The following MINAR1 variants were observed in gnomAD, a reference collection of about 807,000 sequenced individuals.
The protein encoded by MINAR1 is membrane integral NOTCH2 associated receptor 1.
MINAR1 carries 40 observed loss-of-function variants against 65.1 expected under a neutral mutation model. That is an observed-to-expected ratio of 0.61 (90% confidence interval 0.48 to 0.80). MINAR1 has a LOEUF of 0.80. MINAR1 is among the 30% of genes least tolerant of loss of function. The probability of loss-of-function intolerance (pLI) is 0.00; values close to 1 mark genes in which losing one functional copy is unlikely to be tolerated. For synonymous variants in MINAR1, 482 were observed against 449.1 expected, an observed-to-expected ratio of 1.07 and a Z score of -0.93; for missense variants, 1,128 against 1,148.0, an observed-to-expected ratio of 0.98 and a Z score of 0.25.
At position 79,457,434 on chromosome 15, in the gene MINAR1, G is replaced by T. The variant is rs371812078; in HGVS notation, c.1287G>T (p.Ala429=). Residue 429 remains alanine (A), a synonymous_variant, in exon 2 of 4, where the codon GCG becomes GCT. Transcript: ENST00000305428. The part of the protein sequence containing the change: ...DQQPILPIAY[A]AKQNGLKSKE... ...AGCCAATTCTCCCCATTGCTTATGC[G>T]GCAAAACAAAATGGGCTCAAATCTA... 6.2e-7 allele frequency: 1 copy of T among 1,614,028 alleles called. No homozygotes were observed. The highest frequency in any genetic ancestry group is 8.5e-7 in the Non-Finnish European group (1 of 1,180,052).
intron 1 of MINAR1, among the ~76,000 whole-genome samples, chr15:79,452,625 AGTCTGTGT>A (rs1895256189): frequency 8.9e-6 from 1 of 112,240 alleles, no homozygotes; most frequent in African/African-American, 3.9e-5. Flanking sequence ...TGTCTGGATG[AGTCTGTGT>A]GTGTGTGGGT....
chr15:79,448,785 T>C (rs892722731), intron 1 of MINAR1, among the ~76,000 whole-genome samples: 95 of 152,330 alleles, frequency 6.2e-4, no homozygotes, highest in East Asian at 1.2e-3. Flanking sequence ...GAAGATTAGA[T>C]TTCTAATGGA....
chr15:79,449,122 T>C (rs886915558), intron 1 of MINAR1, among the ~76,000 whole-genome samples: 4 of 152,340 alleles, frequency 2.6e-5, no homozygotes, highest in African/African-American at 9.6e-5. Context: ...TGGAAATACC[T>C]ATGGGTTAGG....
Position 79,452,741 on chromosome 15 carries a change from T to TG in MINAR1, c.-50-3349dup, listed in dbSNP as rs398119013. Among the ~76,000 whole-genome samples, 673 of 89,866 alleles carry TG rather than the reference T, an allele frequency of 7.5e-3. 48 individuals are homozygous for TG. In the East Asian group the frequency reaches 0.16, roughly 22 times the overall value. 59.0% of individuals were successfully genotyped at this position (89,866 alleles called of 152,430 possible). On this transcript the variant is annotated intron_variant, in intron 1 of 3. Coordinates refer to ENST00000305428, the MANE Select transcript of MINAR1 (RefSeq NM_015206.3). ...GTGTGGGTGAGTCTGTGTGGGTGTG[T>TG]GGGGGGGGTGTGTGGGTGAGTGAAG... is the stretch of plus-strand genomic sequence containing the variant.
chr15:79,443,092 C>A (rs1159457509), intron 1 of MINAR1, among the ~76,000 whole-genome samples: 2 of 152,104 alleles, frequency 1.3e-5, no homozygotes, highest in African/African-American at 4.8e-5. Flanking sequence ...CCTGTACTCA[C>A]AGGAGGGCAG....
At position 79,456,874 on chromosome 15, in the gene MINAR1, T is replaced by G. The variant is rs1895439797; in HGVS notation, c.727T>G (p.Ser243Ala). Residue 243 changes from serine (S) to alanine (A), a missense_variant, in exon 2 of 4, where the codon TCC becomes GCC. Physicochemically the swap from Ser to Ala is moderately conservative, Grantham distance 99. Transcript: ENST00000305428. ...INQSIKETFI[S>A]NEEPFVVQSC... is the part of the protein sequence containing the mutation. ...TCAGAGCATCAAGGAGACCTTCATTTCCAATGAGGAGCCATTTGTGGTCCA... is the reference window on the plus strand; with the variant it reads ...TCAGAGCATCAAGGAGACCTTCATTGCCAATGAGGAGCCATTTGTGGTCCA... 6.2e-7 allele frequency: 1 copy of G among 1,614,072 alleles called. No homozygotes were observed. Among genetic ancestry groups the G allele is most frequent in the African/African-American group, 1.3e-5 (1 of 75,006 alleles).
rs996167676 is a variant in MINAR1, at chr15:79,468,424, TGTC to T, written c.*47_*49del. On this transcript the variant is annotated 3_prime_UTR_variant, in exon 4 of 4. Coordinates refer to ENST00000305428, the MANE Select transcript of MINAR1 (RefSeq NM_015206.3). Reference sequence around the variant, plus strand: ...CTTACGTACAGCTTATGACTACCAATGTCGTCGTCTGTATCTTAGAATCTTGCA... The same window carrying T: ...CTTACGTACAGCTTATGACTACCAATGTCGTCTGTATCTTAGAATCTTGCA... 2 of 1,556,820 alleles carry T rather than the reference TGTC, an allele frequency of 1.3e-6. No homozygotes were observed. The highest frequency in any genetic ancestry group is 2.3e-5 in the East Asian group (1 of 44,218).
At chr15:79,423,159 C>T in the MINAR1 span, 4 of 152,128 alleles carry the variant, frequency 2.6e-5, no homozygotes, top group African/African-American at 9.7e-5. Context: ...AAGATAACTG[C>T]ATGTGACTCT....
chr15:79,454,296 T>A (rs1895339359), intron 1 of MINAR1, among the ~76,000 whole-genome samples: 1 of 152,178 alleles, frequency 6.6e-6, no homozygotes, highest in Admixed American at 6.5e-5. Flanking sequence ...ACCAGGCTAA[T>A]GTTTATAGAA....
At chr15:79,452,748 G>GT (rs1895274687) in intron 1 of MINAR1, among the ~76,000 whole-genome samples, 1 of 130,608 alleles carries the variant, frequency 7.7e-6, no homozygotes, top group Non-Finnish European at 1.7e-5. Flanking sequence ...GTGTGGGGGG[G>GT]GTGTGTGGGT....
In MINAR1 at chr15:79,457,065, G is replaced by T. The variant is rs778950380; in HGVS notation, c.918G>T (p.Met306Ile). ...CCTTCTTCAACCACAGCTTTGAAAT[G>T]CCCTATAACAGCCAGTACCTGAATC... Reference protein sequence around the residue: ...KPPFFNHSFEMPYNSQYLNPV... With the variant: ...KPPFFNHSFEIPYNSQYLNPV... The change falls in exon 2 of 4, where the codon ATG becomes ATT. Residue 306 changes from methionine to isoleucine, a missense_variant. Physicochemically the swap from Met to Ile is conservative, Grantham distance 10. Coordinates refer to ENST00000305428, the MANE Select transcript of MINAR1 (RefSeq NM_015206.3). 1 of 1,614,152 alleles carries T rather than the reference G, an allele frequency of 6.2e-7. No individual in the cohort carries two copies.
At chr15:79,436,824 C>G (rs1356859386) in intron 1 of MINAR1, among the ~76,000 whole-genome samples, 1 of 152,252 alleles carries the variant, frequency 6.6e-6, no homozygotes, top group Non-Finnish European at 1.5e-5. Flanking sequence ...CAGTTTTCTA[C>G]TGACGTGGCC....
In MINAR1 at chr15:79,458,231, G is replaced by T. The variant is rs972825369; in HGVS notation, c.2084G>T (p.Arg695Leu). The T allele has an allele frequency of 6.2e-7, 1 of 1,614,014 alleles. No individual in the cohort carries two copies. The highest frequency in any genetic ancestry group is 1.3e-5 in the African/African-American group (1 of 74,990). Residue 695 changes from arginine (R) to leucine (L), a missense_variant, in exon 2 of 4, where the codon CGG becomes CTG. Coordinates refer to ENST00000305428, the MANE Select transcript of MINAR1 (RefSeq NM_015206.3). ...DASGSNSESL[R>L]VKALKKSLFT... Reference sequence around the variant, plus strand: ...AGCGGGAGCAACAGTGAAAGCCTGCGGGTCAAGGCCTTAAAAAAAAGCCTC... The same window carrying T: ...AGCGGGAGCAACAGTGAAAGCCTGCTGGTCAAGGCCTTAAAAAAAAGCCTC...
chr15:79,468,629 A>C lies in MINAR1; in HGVS notation c.*245A>C. 1.9e-6 allele frequency: 1 copy of C among 513,898 alleles called. No individual in the cohort carries two copies. The allele number at this position is 513,898 out of a possible 1,614,324, so 31.8% of individuals were successfully genotyped here. A position where few individuals can be genotyped will look rare whatever the true frequency, so the allele number is the denominator to read the frequency against. Reference sequence around the variant, plus strand: ...GAAGTGCAATATCTTTTCCTACCAAAAGAACATCATGGACTATCAATAAAT... The same window carrying C: ...GAAGTGCAATATCTTTTCCTACCAACAGAACATCATGGACTATCAATAAAT... On this transcript the variant is annotated 3_prime_UTR_variant, in exon 4 of 4. Coordinates refer to ENST00000305428, the MANE Select transcript of MINAR1 (RefSeq NM_015206.3).
intron 1 of MINAR1, among the ~76,000 whole-genome samples, chr15:79,452,622 ATGAGTCTGTGTGTGTGTGGGTG>A (rs1398791932): frequency 2.5e-5 from 2 of 80,304 alleles, no homozygotes; most frequent in Non-Finnish European, 2.6e-5. Flanking sequence ...GGGTGTCTGG[ATGAGTCTGTGTGTGTGTGGGTG>A]TGTGTCTGGG....
chr15:79,429,857 G>A (rs796601301), upstream of MINAR1, among the ~76,000 whole-genome samples: 35 of 152,372 alleles, frequency 2.3e-4, no homozygotes, highest in African/African-American at 8.4e-4. Context: ...TGTGCAACGG[G>A]AGAGGGAGTC....
chr15:79,467,327 G>T (rs758027130), intron 3 of MINAR1, among the ~76,000 whole-genome samples: 1 of 152,200 alleles, frequency 6.6e-6, no homozygotes, highest in Non-Finnish European at 1.5e-5. Flanking sequence ...ACCTCACTTC[G>T]AATTGCAATG....
At chr15:79,422,227 C>T in the MINAR1 span, 1 of 152,116 alleles carries the variant, frequency 6.6e-6, no homozygotes, top group Non-Finnish European at 1.5e-5. Context: ...CAGGAGGCAC[C>T]ACTGTAAAAC....
chr15:79,434,437 A>T (rs1319765567), intron 1 of MINAR1, among the ~76,000 whole-genome samples: 1 of 152,256 alleles, frequency 6.6e-6, no homozygotes, highest in Non-Finnish European at 1.5e-5. Context: ...GCAGACGCAC[A>T]GAACTGATCT....
Sources: gnomAD v4.1 joint callset for allele counts (sites outside exome capture counted in the v4.1 genomes callset) on GRCh38, gnomAD v4.1.1 for gene constraint, MANE v1.5 for transcripts, NCBI Gene and HGNC (gene_info 2026-07-23, HGNC 2026-07-21) for gene names.